Variants in PRKN observed in about 807,000 individuals in gnomAD.
The protein encoded by PRKN is E3 ubiquitin-protein ligase parkin.
In PRKN, 56 loss-of-function variants were observed where a neutral mutation model predicts 59.5. The observed-to-expected ratio is 0.94, with a 90% CI of 0.76 to 1.18. PRKN has a LOEUF of 1.18. Ranked by LOEUF, PRKN falls within the 50% of genes most tolerant of loss-of-function variation. The pLI is 0.00. For synonymous variants in PRKN, 250 were observed against 222.1 expected (o/e 1.13, Z -1.12); for missense variants, 657 against 596.4 (o/e 1.10, Z -1.06).
At chr6:162,486,051 T>G (rs1463810015) in intron 1 of PRKN, among the ~76,000 whole-genome samples, 1 of 152,190 alleles carries the variant, frequency 6.6e-6, no homozygotes, top group Non-Finnish European at 1.5e-5. Context: ...TCTTAAATTA[T>G]AAAATGAATT....
At chr6:162,158,591 C>T (rs2128315894) in intron 4 of PRKN, among the ~76,000 whole-genome samples, 2 of 152,080 alleles carry the variant, frequency 1.3e-5, no homozygotes, top group Admixed American at 1.3e-4. Flanking sequence ...ACCAGCACGC[C>T]TGGCTAATTT....
chr6:161,848,264 G>A (rs1793281714), intron 6 of PRKN, among the ~76,000 whole-genome samples: 1 of 151,972 alleles, frequency 6.6e-6, no homozygotes, highest in Non-Finnish European at 1.5e-5. Context: ...ATTTATGTAG[G>A]ATTAGTTCTC....
In PRKN at chr6:162,553,968, G is replaced by T. The variant is rs186967587; in HGVS notation, c.8-110495C>A. Among the ~76,000 whole-genome samples the T allele has an allele frequency of 3.2e-4, 48 of 152,242 alleles. 1 individual carries two copies. The East Asian group carries it at 8.7e-3, about 28-fold the overall frequency. ...GAGGGCTGGGGAAGGAGAGAAAGCGGCGAGGGACTCCCGTGGAGGTTAACA... is the reference window on the plus strand; with the variant it reads ...GAGGGCTGGGGAAGGAGAGAAAGCGTCGAGGGACTCCCGTGGAGGTTAACA... On this transcript the variant is annotated intron_variant, in intron 1 of 11. Coordinates refer to ENST00000366898, the MANE Select transcript of PRKN (RefSeq NM_004562.3).
At chr6:162,718,249 C>T (rs1490717210) in intron 1 of PRKN, among the ~76,000 whole-genome samples, 1 of 152,132 alleles carries the variant, frequency 6.6e-6, no homozygotes, top group Non-Finnish European at 1.5e-5. Context: ...GCATCCCCAT[C>T]CCCTCTCTGA....
intron 6 of PRKN, among the ~76,000 whole-genome samples, chr6:161,948,132 C>T (rs1583390908): frequency 6.6e-6 from 1 of 152,028 alleles, no homozygotes; most frequent in Non-Finnish European, 1.5e-5. Context: ...ATTACAGGCA[C>T]GTGCCATCAT....
chr6:161,572,717 T>A (rs535900560), intron 7 of PRKN, among the ~76,000 whole-genome samples: 22 of 151,974 alleles, frequency 1.4e-4, no homozygotes, highest in Non-Finnish European at 2.9e-4. Flanking sequence ...CTGGAAAACA[T>A]AATACATTAG....
chr6:162,662,039 G>A (rs1418589023), intron 1 of PRKN, among the ~76,000 whole-genome samples: 8 of 151,536 alleles, frequency 5.3e-5, no homozygotes, highest in African/African-American at 1.9e-4. Context: ...GCCCCCATCT[G>A]TGAGAACATG....
intron 4 of PRKN, among the ~76,000 whole-genome samples, chr6:162,071,954 G>C (rs577239641): frequency 2.0e-4 from 30 of 152,130 alleles, no homozygotes; most frequent in African/African-American, 6.7e-4. Context: ...CTAGTGTTTG[G>C]AATCACTACC....
At chr6:161,535,798 T>A (rs780400090) in intron 9 of PRKN, among the ~76,000 whole-genome samples, 16 of 151,930 alleles carry the variant, frequency 1.1e-4, no homozygotes, top group Non-Finnish European at 2.4e-4. Context: ...CTTGGTGGAG[T>A]GGAGCATCCC....
chr6:162,389,642 G>T (rs1414649291), intron 2 of PRKN, among the ~76,000 whole-genome samples: 1 of 152,156 alleles, frequency 6.6e-6, no homozygotes, highest in Non-Finnish European at 1.5e-5. Flanking sequence ...ATGTTAATTT[G>T]CTACTAATAT....
At chr6:161,743,385 T>TA (rs1441757872) in intron 7 of PRKN, among the ~76,000 whole-genome samples, 65 of 140,394 alleles carry the variant, frequency 4.6e-4, no homozygotes, top group Middle Eastern at 3.7e-3. Context: ...ACATCCAGCT[T>TA]TTTTATTTAT....
At chr6:162,072,471 C>T (rs1778620377) in intron 4 of PRKN, among the ~76,000 whole-genome samples, 1 of 152,032 alleles carries the variant, frequency 6.6e-6, no homozygotes, top group Non-Finnish European at 1.5e-5. Flanking sequence ...TTCCACAAGC[C>T]CTGAGCCTGA....
At chr6:162,716,786 GCACACA>G (rs67307025) in intron 1 of PRKN, among the ~76,000 whole-genome samples, 36 of 148,822 alleles carry the variant, frequency 2.4e-4, no homozygotes, top group African/African-American at 5.5e-4. Flanking sequence ...ACACACACGC[GCACACA>G]CACACACACA....
chr6:161,742,972 T>C (rs1788250658), intron 7 of PRKN, among the ~76,000 whole-genome samples: 1 of 152,186 alleles, frequency 6.6e-6, no homozygotes, highest in Admixed American at 6.5e-5. Context: ...TGATAGAGAA[T>C]ATTTAGTTTA....
intron 4 of PRKN, among the ~76,000 whole-genome samples, chr6:162,122,827 C>A (rs901182373): frequency 6.6e-6 from 1 of 152,088 alleles, no homozygotes; most frequent in Non-Finnish European, 1.5e-5. Flanking sequence ...GCTTCTCTCA[C>A]TGCCAGAAAA....
intron 6 of PRKN, among the ~76,000 whole-genome samples, chr6:161,862,193 C>T (rs1030998412): frequency 1.3e-5 from 2 of 152,180 alleles, no homozygotes; most frequent in Non-Finnish European, 2.9e-5. Flanking sequence ...TTCACAGGTT[C>T]CAAGGATGCA....
At chr6:162,435,309 T>G (rs949660627) in intron 2 of PRKN, among the ~76,000 whole-genome samples, 1 of 152,140 alleles carries the variant, frequency 6.6e-6, no homozygotes, top group African/African-American at 2.4e-5. Context: ...ATCCACAGAC[T>G]ATATATCTTC....
chr6:162,230,664 A>G (rs752756260), intron 3 of PRKN, among the ~76,000 whole-genome samples: 51 of 152,208 alleles, frequency 3.4e-4, no homozygotes, highest in Admixed American at 3.0e-3. Flanking sequence ...ACTGTGAACA[A>G]TAGAGGAGGG....
chr6:162,308,144 C>T (rs1322706558), intron 2 of PRKN, among the ~76,000 whole-genome samples: 9 of 152,082 alleles, frequency 5.9e-5, no homozygotes, highest in East Asian at 3.9e-4. Flanking sequence ...ACACATGTCT[C>T]AGTTGTTTGT....
Sources: allele counts gnomAD v4.1 joint callset (sites outside exome capture counted in the v4.1 genomes callset), GRCh38; gene constraint gnomAD v4.1.1; transcripts MANE v1.5; gene names NCBI Gene and HGNC (gene_info 2026-07-23, HGNC 2026-07-21).